The following VPS8 variants were observed in gnomAD, a reference collection of about 807,000 sequenced individuals.
The protein encoded by VPS8 is VPS8 subunit of CORVET complex.
Under a neutral mutation model 216.4 loss-of-function variants are expected in VPS8, and 129 were observed. The observed-to-expected ratio is 0.60, with a 90% CI of 0.52 to 0.69. The LOEUF is 0.69. Ranked by LOEUF, VPS8 falls within the 30% of genes least tolerant of loss-of-function variation. The pLI is 0.00. For synonymous variants in VPS8, 571 were observed against 565.4 expected (o/e 1.01, Z -0.14); for missense variants, 1,531 against 1,683.5 (o/e 0.91, Z 1.59).
At chr3:184,978,414 CCTT>C (rs1315825433) in intron 40 of VPS8, among the ~76,000 whole-genome samples, 2 of 151,848 alleles carry the variant, frequency 1.3e-5, no homozygotes, top group Non-Finnish European at 2.9e-5. Flanking sequence ...CTCTTTCCTT[CCTT>C]CTTTTTTTGT....
chr3:184,928,387 G>A (rs1251411696), intron 31 of VPS8, 64 bp from the exon 32 acceptor site: 1 of 1,377,482 alleles, frequency 7.3e-7, no homozygotes, highest in Non-Finnish European at 9.8e-7. Context: ...CTGCATGGCT[G>A]AATGCACTCT....
chr3:184,826,263 G>A (rs1221947040), intron 3 of VPS8, 32 bp downstream of exon 3: 2 of 1,554,214 alleles, frequency 1.3e-6, no homozygotes, highest in Admixed American at 1.7e-5. Flanking sequence ...CTGTCATTTT[G>A]TGTGTGGCAT....
intron 43 of VPS8, among the ~76,000 whole-genome samples, chr3:184,995,921 C>A (rs558274207): frequency 6.6e-6 from 1 of 152,316 alleles, no homozygotes; most frequent in Non-Finnish European, 1.5e-5. Context: ...AGTAAAAAAT[C>A]TGGGATTCAG....
intron 1 of VPS8, among the ~76,000 whole-genome samples, chr3:184,812,960 A>T (rs1236990580): frequency 1.3e-5 from 2 of 152,220 alleles, no homozygotes; most frequent in Admixed American, 6.5e-5. Context: ...GTTGTGCACC[A>T]GAGTGAGGGC....
At position 184,936,369 on chromosome 3, in the gene VPS8, T is replaced by C. The variant is rs768633943; in HGVS notation, c.2988+34T>C. 5.2e-6 allele frequency: 8 copies of C among 1,537,384 alleles called. No individual in the cohort carries two copies. In the East Asian group the frequency reaches 1.6e-4, roughly 31 times the overall value. ...TGCAAATATATATTGGGGAAAAATA[T>C]CTAGTGGAAAGACAATTATTAAATC... On this transcript the variant is annotated intron_variant, in intron 35 of 47. Coordinates refer to ENST00000625842, the MANE Select transcript of VPS8 (RefSeq NM_001009921.3).
chr3:184,943,856 C>T (rs535809685), intron 36 of VPS8, among the ~76,000 whole-genome samples: 5 of 152,342 alleles, frequency 3.3e-5, no homozygotes, highest in African/African-American at 1.2e-4. Context: ...AATCCCAGTA[C>T]TTTGGGAGGC....
At chr3:185,039,931 C>A (rs1759415973) in intron 46 of VPS8, among the ~76,000 whole-genome samples, 1 of 152,132 alleles carries the variant, frequency 6.6e-6, no homozygotes, top group Non-Finnish European at 1.5e-5. Context: ...TGTTCCTTAT[C>A]TGCTATCTTG....
chr3:184,930,423 A>G, intron 33 of VPS8, 47 bp from the exon 34 acceptor site: 1 of 1,434,216 alleles, frequency 7.0e-7, no homozygotes, highest in Non-Finnish European at 9.8e-7. Context: ...TAGGGACTAA[A>G]TCTTGAGTGA....
intron 36 of VPS8, among the ~76,000 whole-genome samples, chr3:184,952,339 C>G (rs1431674567): frequency 6.6e-6 from 1 of 152,152 alleles, no homozygotes; most frequent in Non-Finnish European, 1.5e-5. Flanking sequence ...CTAGTGGGCA[C>G]CAACTGGGTA....
intron 37 of VPS8, among the ~76,000 whole-genome samples, chr3:184,958,080 C>T (rs1206189986): frequency 2.0e-5 from 3 of 152,116 alleles, no homozygotes; most frequent in Non-Finnish European, 1.5e-5. Flanking sequence ...TTGTTCAGTG[C>T]CCCCTTTGAA....
At chr3:184,976,824 A>G (rs1376356084) in intron 40 of VPS8, among the ~76,000 whole-genome samples, 1 of 152,202 alleles carries the variant, frequency 6.6e-6, no homozygotes, top group Non-Finnish European at 1.5e-5. Context: ...ATAGTATTCC[A>G]TGGTGTATAT....
chr3:184,841,897 G>T (rs1722208121), intron 7 of VPS8, among the ~76,000 whole-genome samples: 1 of 152,110 alleles, frequency 6.6e-6, no homozygotes, highest in South Asian at 2.1e-4. Context: ...AAGCAATTCT[G>T]CTATCCTGAG....
At chr3:184,911,756 C>T (rs1201269895) in intron 25 of VPS8, among the ~76,000 whole-genome samples, 3 of 152,176 alleles carry the variant, frequency 2.0e-5, no homozygotes, top group African/African-American at 7.2e-5. Context: ...CATCTGGCCC[C>T]CTTGATTTAC....
intron 25 of VPS8, among the ~76,000 whole-genome samples, chr3:184,912,687 T>C (rs139408571): frequency 1.3e-5 from 2 of 152,308 alleles, no homozygotes; most frequent in Admixed American, 6.5e-5. Context: ...GGAAGCAAAA[T>C]GTAGTTATTC....
chr3:184,980,971 G>A (rs753124217), intron 40 of VPS8, among the ~76,000 whole-genome samples: 4 of 152,152 alleles, frequency 2.6e-5, no homozygotes, highest in Non-Finnish European at 5.9e-5. Context: ...GCTGTACTTT[G>A]GATGGCATTT....
At chr3:184,939,050 G>T (rs965233144) in intron 35 of VPS8, among the ~76,000 whole-genome samples, 1 of 150,076 alleles carries the variant, frequency 6.7e-6, no homozygotes, top group Admixed American at 6.6e-5. Flanking sequence ...AAAAAAAAAG[G>T]TCTGTTTGTG....
chr3:184,914,714 A>G (rs1381808598), intron 26 of VPS8, among the ~76,000 whole-genome samples: 1 of 152,168 alleles, frequency 6.6e-6, no homozygotes, highest in Non-Finnish European at 1.5e-5. Flanking sequence ...TGCCCCTTTA[A>G]TAGAGCATTG....
intron 46 of VPS8, among the ~76,000 whole-genome samples, chr3:185,032,860 G>T (rs954154147): frequency 3.3e-5 from 5 of 151,984 alleles, no homozygotes; most frequent in Non-Finnish European, 7.4e-5. Flanking sequence ...GTAGAGACGG[G>T]GTTTCACCGA....
At chr3:184,863,296 T>C (rs1726716150) in intron 16 of VPS8, among the ~76,000 whole-genome samples, 1 of 152,236 alleles carries the variant, frequency 6.6e-6, no homozygotes, top group Non-Finnish European at 1.5e-5. Context: ...TGACTTATTT[T>C]ACTTAATAAC....
Sources: allele counts gnomAD v4.1 joint callset (sites outside exome capture counted in the v4.1 genomes callset), GRCh38; gene constraint gnomAD v4.1.1; transcripts MANE v1.5; gene names NCBI Gene and HGNC (gene_info 2026-07-23, HGNC 2026-07-21).